The following CPLX1 variants were observed in gnomAD, a reference collection of about 807,000 sequenced individuals.
CPLX1 encodes complexin 1.
Under a neutral mutation model 15.6 loss-of-function variants are expected in CPLX1, and 6 were observed. That is an observed-to-expected ratio of 0.39 (90% CI 0.21 to 0.76). The LOEUF is 0.76. Among genes scored for constraint, CPLX1 ranks in the 30% least tolerant of loss-of-function variants. The pLI is 0.43. For synonymous variants in CPLX1, 91 were observed against 75.2 expected (o/e 1.21, Z -1.08); for missense variants, 242 against 188.6 (o/e 1.28, Z -1.66).
At chr4:804,055 A>G (rs775291148) in intron 2 of CPLX1, among the ~76,000 whole-genome samples, 6 of 152,248 alleles carry the variant, frequency 3.9e-5, no homozygotes, top group Non-Finnish European at 8.8e-5. Context: ...TGTGTTGTGC[A>G]GGTTTGCAGC....
intron 2 of CPLX1, among the ~76,000 whole-genome samples, chr4:800,713 C>A (rs1419518493): frequency 2.0e-5 from 2 of 100,432 alleles, no homozygotes; most frequent in African/African-American, 7.3e-5. Flanking sequence ...ATGGGGAAAC[C>A]CCGTCTCTAC....
At chr4:798,092 T>A (rs1205349748) in intron 2 of CPLX1, among the ~76,000 whole-genome samples, 1 of 152,048 alleles carries the variant, frequency 6.6e-6, no homozygotes, top group East Asian at 1.9e-4. Flanking sequence ...CTGATGGACA[T>A]GGTGAAACCC....
chr4:816,948 A>T (rs1746768193), intron 2 of CPLX1, among the ~76,000 whole-genome samples: 1 of 152,194 alleles, frequency 6.6e-6, no homozygotes, highest in Non-Finnish European at 1.5e-5. Context: ...AGTAGAGCTT[A>T]CATCATGTTT....
chr4:826,118 G>A lies in CPLX1; in HGVS notation c.-152C>T, dbSNP rs1347761066. 2.1e-5 allele frequency: 3 copies of A among 144,732 alleles called. No homozygotes were observed. Among genetic ancestry groups the A allele is most frequent in the Non-Finnish European group, 4.6e-5 (3 of 65,510 alleles). The allele number at this position is 144,732 out of a possible 1,614,324, so 9.0% of individuals were successfully genotyped here. A position where few individuals can be genotyped will look rare whatever the true frequency, so the allele number is the denominator to read the frequency against. On this transcript the variant is annotated 5_prime_UTR_variant, in exon 1 of 4. Coordinates refer to ENST00000304062, the MANE Select transcript of CPLX1 (RefSeq NM_006651.4). ...GGGTCCATGTGGCGCCCGGTGAGCTGCGGCGGCGGCTGAAGGGCACCGCGA... is the reference window on the plus strand; with the variant it reads ...GGGTCCATGTGGCGCCCGGTGAGCTACGGCGGCGGCTGAAGGGCACCGCGA...
At chr4:786,742 C>G (rs1003099672) in intron 3 of CPLX1, 44 bp from the exon 4 acceptor site, 2 of 1,539,660 alleles carry the variant, frequency 1.3e-6, no homozygotes, top group Non-Finnish European at 1.7e-6. Context: ...CGGCGGCTCC[C>G]GGGCGGGCCG....
intron 2 of CPLX1, among the ~76,000 whole-genome samples, chr4:793,652 G>T (rs932523475): frequency 5.3e-5 from 8 of 152,184 alleles, no homozygotes; most frequent in Non-Finnish European, 8.8e-5. Context: ...AGCGTTGCAG[G>T]GGTGCTCCTG....
intron 2 of CPLX1, among the ~76,000 whole-genome samples, chr4:820,408 A>G (rs577015187): frequency 3.9e-5 from 6 of 152,354 alleles, no homozygotes; most frequent in African/African-American, 1.4e-4. Context: ...AAGAAGAGAG[A>G]GGCAGGAGAG....
chr4:798,693 G>A (rs1379972863), intron 2 of CPLX1, among the ~76,000 whole-genome samples: 2 of 152,202 alleles, frequency 1.3e-5, no homozygotes, highest in Admixed American at 6.5e-5. Context: ...CACTGTGCCC[G>A]GCCAGATAGT....
In CPLX1 at chr4:791,376, G is replaced by A. The variant is rs572233136; in HGVS notation, c.207+1057C>T. The stretch of plus-strand genomic sequence containing the variant: ...GGGCGGGGGGCTGCGAGGGACCGGA[G>A]GGTGTGGGGAGAATCCGTGGGTGGG... On this transcript the variant is annotated intron_variant, in intron 3 of 3. Transcript: ENST00000304062. Among the ~76,000 whole-genome samples the A allele has an allele frequency of 1.3e-3, 195 of 152,290 alleles. 1 individual carries two copies. Among genetic ancestry groups the A allele is most frequent in the Non-Finnish European group, 2.0e-3 (137 of 68,014 alleles).
intron 2 of CPLX1, among the ~76,000 whole-genome samples, chr4:803,065 G>A (rs1746487477): frequency 6.6e-6 from 1 of 152,112 alleles, no homozygotes; most frequent in East Asian, 1.9e-4. Context: ...TCATTTTAAG[G>A]AAGAGCAGAA....
intron 2 of CPLX1, among the ~76,000 whole-genome samples, chr4:816,889 G>A (rs1746767072): frequency 6.6e-6 from 1 of 152,216 alleles, no homozygotes; most frequent in Non-Finnish European, 1.5e-5. Flanking sequence ...AGTCCTGGAA[G>A]TGTGTTGGCA....
chr4:806,766 A>G (rs905873837), intron 2 of CPLX1, among the ~76,000 whole-genome samples: 3 of 152,246 alleles, frequency 2.0e-5, no homozygotes, highest in South Asian at 2.1e-4. Flanking sequence ...AATCAAAACT[A>G]CAATGAGATA....
chr4:794,995 G>C (rs561225964), intron 2 of CPLX1, among the ~76,000 whole-genome samples: 15 of 152,336 alleles, frequency 9.8e-5, no homozygotes, highest in African/African-American at 3.6e-4. Context: ...CCCTGGGCTG[G>C]TCCAGGCGCC....
At chr4:793,512 A>G (rs1377573424) in intron 2 of CPLX1, among the ~76,000 whole-genome samples, 3 of 152,226 alleles carry the variant, frequency 2.0e-5, no homozygotes, top group African/African-American at 7.2e-5. Context: ...TACAGCAGGC[A>G]CTGCGGGGAG....
intron 3 of CPLX1, among the ~76,000 whole-genome samples, chr4:790,890 GTCTC>G (rs1236875660): frequency 6.6e-6 from 1 of 151,608 alleles, no homozygotes; most frequent in African/African-American, 2.4e-5. Flanking sequence ...CTCTGTGCCT[GTCTC>G]TCCTCTCTTT....
chr4:822,027 G>C (rs116530141), intron 2 of CPLX1, among the ~76,000 whole-genome samples: 1 of 152,108 alleles, frequency 6.6e-6, no homozygotes, highest in African/African-American at 2.4e-5. Context: ...TGCTGCCTGC[G>C]CTCCTGGCCC....
chr4:803,030 T>C (rs570559338), intron 2 of CPLX1, among the ~76,000 whole-genome samples: 1 of 152,296 alleles, frequency 6.6e-6, no homozygotes, highest in South Asian at 2.1e-4. Flanking sequence ...GCTAAAACTT[T>C]TTTTGGGAGG....
chr4:815,612 C>A (rs1365181829), intron 2 of CPLX1, among the ~76,000 whole-genome samples: 2 of 152,160 alleles, frequency 1.3e-5, no homozygotes, highest in African/African-American at 4.8e-5. Context: ...CCGTGTGGCA[C>A]TTACTCAGAA....
chr4:820,741 GCC>G (rs1560247579), intron 2 of CPLX1, among the ~76,000 whole-genome samples: 5 of 104,472 alleles, frequency 4.8e-5, no homozygotes, highest in Non-Finnish European at 1.1e-4. Flanking sequence ...CCCCTCACCA[GCC>G]TCACGTGAAC....
Sources: gnomAD v4.1 joint callset for allele counts (sites outside exome capture counted in the v4.1 genomes callset) on GRCh38, gnomAD v4.1.1 for gene constraint, MANE v1.5 for transcripts, NCBI Gene and HGNC (gene_info 2026-07-23, HGNC 2026-07-21) for gene names.